Variants in OTOP1 observed in about 807,000 individuals in gnomAD.
OTOP1 encodes otopetrin 1.
Under a neutral mutation model 52.9 loss-of-function variants are expected in OTOP1, and 59 were observed. The ratio of observed to expected loss-of-function variants is 1.12; its 90% CI spans 0.91 to 1.39. OTOP1 has a LOEUF of 1.39. Among genes scored for constraint, OTOP1 ranks in the 40% most tolerant of loss-of-function variants. OTOP1 has a pLI of 0.00. For synonymous variants in OTOP1, 317 were observed against 337.7 expected (o/e 0.94, Z 0.67); for missense variants, 761 against 800.9 (o/e 0.95, Z 0.60).
rs1330486454 is a variant in OTOP1 at position 4,205,998 on chromosome 4, T to G, written c.599+74A>C. On this transcript the variant is annotated intron_variant, in intron 3 of 5. Transcript: ENST00000296358. ...GTCTGTTTTTATAACCAAAGCAAGA[T>G]GGCAGTGATGAGTTTTGAAAATTCT... The G allele has an allele frequency of 6.8e-5, 85 of 1,257,038 alleles. 1 individual carries two copies. The Admixed American group carries it at 1.4e-3, about 21-fold the overall frequency. The allele number at this position is 1,257,038 out of a possible 1,614,324, so 77.9% of individuals were successfully genotyped here.
intron 5 of OTOP1, among the ~76,000 whole-genome samples, chr4:4,190,199 A>T (rs1210388602): frequency 6.6e-6 from 1 of 152,238 alleles, no homozygotes; most frequent in African/African-American, 2.4e-5. Context: ...TAGGCTGGGC[A>T]CAGTGGCTCA....
At chr4:4,204,008 G>T (rs1329879487) in intron 3 of OTOP1, among the ~76,000 whole-genome samples, 1 of 152,204 alleles carries the variant, frequency 6.6e-6, no homozygotes, top group African/African-American at 2.4e-5. Flanking sequence ...CTAGAGGGAT[G>T]AAAATTTATT....
At chr4:4,226,056 C>A (rs1257396269) in intron 1 of OTOP1, among the ~76,000 whole-genome samples, 2 of 152,152 alleles carry the variant, frequency 1.3e-5, no homozygotes, top group African/African-American at 4.8e-5. Context: ...GCGAGAATGA[C>A]CCCAGCACAG....
At chr4:4,213,116 TG>T (rs1717061709) in intron 1 of OTOP1, 112 bp from the exon 2 acceptor site, 8 of 1,343,828 alleles carry the variant, frequency 6.0e-6, no homozygotes, top group Non-Finnish European at 8.1e-6. Flanking sequence ...TATGGTCAAA[TG>T]ATTTTTCACA....
intron 3 of OTOP1, 67 bp downstream of exon 3, chr4:4,206,005 G>T: frequency 1.5e-6 from 2 of 1,336,364 alleles, no homozygotes; most frequent in Non-Finnish European, 2.1e-6. Context: ...AGATGGCAGT[G>T]ATGAGTTTTG....
At chr4:4,195,908 G>T (rs1412159523) in intron 5 of OTOP1, among the ~76,000 whole-genome samples, 1 of 152,082 alleles carries the variant, frequency 6.6e-6, no homozygotes, top group Admixed American at 6.6e-5. Flanking sequence ...ACCTTTTAGA[G>T]GAAAGAGACT....
In OTOP1 at chr4:4,197,615, C is replaced by T. The variant is rs770377167; in HGVS notation, c.1219G>A (p.Gly407Ser). 7 of 1,613,752 alleles carry T rather than the reference C, an allele frequency of 4.3e-6. No homozygotes were observed. The Admixed American group carries it at 1.2e-4, about 27-fold the overall frequency. ...TASGSWLISW[G>S]SILAILCAEG... is the part of the protein sequence containing the mutation. ...GCACAGAGGATGGCCAAGATTGAGC[C>T]CCAGGAGATAAGCCAGGAGCCCGAG... Residue 407 changes from glycine (G) to serine (S), a missense_variant, in exon 5 of 6, where the codon GGC becomes AGC. This residue lies in a region of OTOP1 where 632 missense variants were observed against 619.5 expected (regional missense o/e 1.02). Coordinates refer to ENST00000296358, the MANE Select transcript of OTOP1 (RefSeq NM_177998.3).
At chr4:4,205,626 A>G (rs1716889127) in intron 3 of OTOP1, among the ~76,000 whole-genome samples, 1 of 152,192 alleles carries the variant, frequency 6.6e-6, no homozygotes, top group Non-Finnish European at 1.5e-5. Context: ...CTTAAGAGAA[A>G]TATGTTAGAA....
intron 5 of OTOP1, among the ~76,000 whole-genome samples, chr4:4,194,064 C>T (rs1254763151): frequency 6.6e-6 from 1 of 152,060 alleles, no homozygotes; most frequent in Non-Finnish European, 1.5e-5. Flanking sequence ...GGTTGCATGC[C>T]TGTAGTCCCA....
At chr4:4,220,105 A>ATATTTTTTTT (rs1434375771) in intron 1 of OTOP1, among the ~76,000 whole-genome samples, 2 of 59,398 alleles carry the variant, frequency 3.4e-5, no homozygotes, top group African/African-American at 1.0e-4. Flanking sequence ...ATATATATAT[A>ATATTTTTTTT]TTTTTTTTTT....
In OTOP1 at chr4:4,197,853, A is replaced by G; in HGVS notation, c.981T>C (p.Ala327=). The change falls in exon 5 of 6, where the codon GCT becomes GCC. Residue 327 remains alanine, a synonymous_variant. Coordinates refer to ENST00000296358, the MANE Select transcript of OTOP1 (RefSeq NM_177998.3). ...LGLTVLAATI[A]VVVVYLIHIG... The stretch of plus-strand genomic sequence containing the variant: ...TATGAATCAGGTATACCACCACCAC[A>G]GCAATGGTGGCGGCCAGCACGGTCA... 1 of 1,614,086 alleles carries G rather than the reference A, an allele frequency of 6.2e-7. No homozygotes were observed. The highest frequency in any genetic ancestry group is 1.1e-5 in the South Asian group (1 of 91,052).
chr4:4,221,742 A>G (rs1717305797), intron 1 of OTOP1, among the ~76,000 whole-genome samples: 1 of 152,220 alleles, frequency 6.6e-6, no homozygotes, highest in Non-Finnish European at 1.5e-5. Flanking sequence ...AACAGAGAGC[A>G]GCAAATGATT....
chr4:4,195,330 T>C (rs2108796118), intron 5 of OTOP1, among the ~76,000 whole-genome samples: 1 of 152,334 alleles, frequency 6.6e-6, no homozygotes. Context: ...CTGGTGAACT[T>C]CCAGTCATTC....
chr4:4,221,874 C>CA (rs1717309101), intron 1 of OTOP1, among the ~76,000 whole-genome samples: 1 of 152,172 alleles, frequency 6.6e-6, no homozygotes. Context: ...CCTCAGCCTC[C>CA]CAAAGTGCTG....
intron 1 of OTOP1, among the ~76,000 whole-genome samples, chr4:4,223,386 C>CATGG (rs1486354393): frequency 1.4e-5 from 2 of 146,512 alleles, no homozygotes; most frequent in Non-Finnish European, 1.5e-5. Flanking sequence ...AACAAAAAAA[C>CATGG]ATGGATGGAT....
At chr4:4,197,075 C>T (rs1393567846) in intron 5 of OTOP1, 91 bp downstream of exon 5, 10 of 1,306,572 alleles carry the variant, frequency 7.7e-6, no homozygotes, top group Non-Finnish European at 9.5e-6. Context: ...CGCAATTTAC[C>T]CATTTAACAA....
chr4:4,193,733 G>A (rs1384156289), intron 5 of OTOP1, among the ~76,000 whole-genome samples: 1 of 152,196 alleles, frequency 6.6e-6, no homozygotes, highest in Non-Finnish European at 1.5e-5. Flanking sequence ...CCCTGGGTCT[G>A]GCTTTCGGGT....
intron 5 of OTOP1, among the ~76,000 whole-genome samples, chr4:4,191,105 C>T (rs73792836): frequency 2.0e-5 from 3 of 152,110 alleles, no homozygotes; most frequent in African/African-American, 4.8e-5. Flanking sequence ...TCAGCTACGT[C>T]GTCCTCCCAG....
chr4:4,205,849 G>A (rs1716894773), intron 3 of OTOP1, among the ~76,000 whole-genome samples: 4 of 152,128 alleles, frequency 2.6e-5, no homozygotes, highest in Admixed American at 6.6e-5. Context: ...ATGCAGATTC[G>A]GCTTCAAAAT....
Sources: gnomAD v4.1 joint callset for allele counts (sites outside exome capture counted in the v4.1 genomes callset) on GRCh38, gnomAD v4.1.1 for gene constraint, gnomAD v4.1.1 regional missense constraint, MANE v1.5 for transcripts, NCBI Gene and HGNC (gene_info 2026-07-23, HGNC 2026-07-21) for gene names.